Variants in LRP1B observed in about 807,000 individuals in gnomAD.
LRP1B encodes low-density lipoprotein receptor-related protein 1B.
LRP1B carries 217 observed loss-of-function variants against 556.6 expected under a neutral mutation model. The ratio of observed to expected loss-of-function variants is 0.39; its 90% CI spans 0.35 to 0.44. The LOEUF is 0.44. Among genes scored for constraint, LRP1B ranks in the 20% least tolerant of loss-of-function variants. LRP1B has a pLI of 1.00. For synonymous variants in LRP1B, 2,047 were observed against 1,865.8 expected, an observed-to-expected ratio of 1.10 and a Z score of -2.50; for missense variants, 5,053 against 5,620.8, an observed-to-expected ratio of 0.90 and a Z score of 3.23.
chr2:141,213,605 C>G (rs192599395), intron 6 of LRP1B, among the ~76,000 whole-genome samples: 15 of 152,272 alleles, frequency 9.9e-5, no homozygotes, highest in Non-Finnish European at 1.6e-4. Context: ...GTGGCCCCAG[C>G]CTGGATTCAA....
intron 32 of LRP1B, among the ~76,000 whole-genome samples, chr2:140,810,227 T>C (rs1017395685): frequency 1.3e-5 from 2 of 152,154 alleles, no homozygotes; most frequent in Admixed American, 6.6e-5. Context: ...AGCTTTAGTA[T>C]AAACTACTCT....
At chr2:142,115,564 A>T (rs1318572048) in intron 1 of LRP1B, among the ~76,000 whole-genome samples, 1,854 of 40,952 alleles carry the variant, frequency 0.045, 414 homozygotes, top group Non-Finnish European at 0.058. Flanking sequence ...TTATATATGT[A>T]ATATATATTA....
chr2:140,451,879 T>C (rs989977838), intron 62 of LRP1B, among the ~76,000 whole-genome samples: 1 of 152,130 alleles, frequency 6.6e-6, no homozygotes, highest in Non-Finnish European at 1.5e-5. Context: ...TATTTATTAA[T>C]ATGTTTTATT....
chr2:141,521,296 T>C lies in LRP1B; in HGVS notation c.206-40763A>G, dbSNP rs200589225. Among the ~76,000 whole-genome samples the C allele has an allele frequency of 4.3e-4, 65 of 152,242 alleles. 1 individual carries two copies. The East Asian group carries it at 0.012, about 27-fold the overall frequency. On this transcript the variant is annotated intron_variant, in intron 2 of 90. Transcript: ENST00000389484. ...AAATTATCAATATCAGCAACAATCATGGAAACTTTTTATCCACATTTTCAA... is the reference window on the plus strand; with the variant it reads ...AAATTATCAATATCAGCAACAATCACGGAAACTTTTTATCCACATTTTCAA...
At chr2:140,533,079 T>C (rs972482678) in intron 47 of LRP1B, among the ~76,000 whole-genome samples, 10 of 151,888 alleles carry the variant, frequency 6.6e-5, no homozygotes, top group African/African-American at 2.2e-4. Flanking sequence ...GTGTGTTCAT[T>C]GAATGGCAAG....
At chr2:141,309,933 C>A (rs1295299518) in intron 3 of LRP1B, among the ~76,000 whole-genome samples, 1 of 152,226 alleles carries the variant, frequency 6.6e-6, no homozygotes, top group African/African-American at 2.4e-5. Flanking sequence ...AATCTGCTGT[C>A]ACTTGAATCT....
chr2:141,390,006 C>T (rs1182934325), intron 3 of LRP1B, among the ~76,000 whole-genome samples: 1 of 152,102 alleles, frequency 6.6e-6, no homozygotes. Flanking sequence ...GGAGTGATGG[C>T]ATGTGCCTGT....
chr2:140,408,038 T>C (rs1573902842), intron 66 of LRP1B, among the ~76,000 whole-genome samples: 1 of 152,028 alleles, frequency 6.6e-6, no homozygotes, highest in African/African-American at 2.4e-5. Context: ...GCAACTTGGA[T>C]GGAGCTGGAG....
intron 3 of LRP1B, among the ~76,000 whole-genome samples, chr2:141,282,095 C>T (rs1685530502): frequency 6.6e-6 from 1 of 151,876 alleles, no homozygotes; most frequent in Non-Finnish European, 1.5e-5. Context: ...TTTTGGATGA[C>T]CTTGAAAAAG....
chr2:140,423,367 C>CT lies in LRP1B; in HGVS notation c.10414+19136dup, dbSNP rs1376957950. Among the ~76,000 whole-genome samples, 8 of 151,956 alleles carry CT rather than the reference C, an allele frequency of 5.3e-5. No individual in the cohort carries two copies. The East Asian group carries it at 7.7e-4, about 15-fold the overall frequency. ...ATAAAATAAGGAAAGAAAAGGAAAG[C>CT]TTTTTTTTAATTAAAAATTTTCAAT... On this transcript the variant is annotated intron_variant, in intron 66 of 90. Transcript: ENST00000389484.
intron 3 of LRP1B, among the ~76,000 whole-genome samples, chr2:141,257,658 T>C (rs1684525837): frequency 6.6e-6 from 1 of 152,180 alleles, no homozygotes; most frequent in African/African-American, 2.4e-5. Flanking sequence ...TAGCTTTTAG[T>C]TTATTAGACT....
chr2:141,924,227 G>C lies in LRP1B; in HGVS notation c.83-113826C>G, dbSNP rs113978221. On this transcript the variant is annotated intron_variant, in intron 1 of 90. Coordinates refer to ENST00000389484, the MANE Select transcript of LRP1B (RefSeq NM_018557.3). The stretch of plus-strand genomic sequence containing the variant: ...ATGGCAGAACGGTGTAGCAGGGAAA[G>C]AGAGAAGAGAAGGTATGTCTGAACA... 8.0e-4 allele frequency among the ~76,000 whole-genome samples: 121 copies of C among 152,100 alleles called. 1 individual carries two copies. Among genetic ancestry groups the C allele is most frequent in the African/African-American group, 2.8e-3 (116 of 41,524 alleles).
Position 141,160,818 on chromosome 2 carries a change from T to A in LRP1B, c.1013+27603A>T, listed in dbSNP as rs537868972. 2.0e-5 allele frequency among the ~76,000 whole-genome samples: 3 copies of A among 149,212 alleles called. No individual in the cohort carries two copies. The South Asian group carries it at 6.4e-4, about 32-fold the overall frequency. On this transcript the variant is annotated intron_variant, in intron 7 of 90. Coordinates refer to ENST00000389484, the MANE Select transcript of LRP1B (RefSeq NM_018557.3). ...TTTGTGGTAATGGACATGTTCAATA[T>A]CTTTATTTTGGTGATGGCAAAATTA... is the stretch of plus-strand genomic sequence containing the variant.
At chr2:140,901,494 G>A (rs894636282) in intron 23 of LRP1B, among the ~76,000 whole-genome samples, 2 of 152,090 alleles carry the variant, frequency 1.3e-5, no homozygotes, top group African/African-American at 4.8e-5. Context: ...TTTGATACAG[G>A]CATGTGATGC....
At chr2:141,526,187 T>G (rs1684688512) in intron 2 of LRP1B, among the ~76,000 whole-genome samples, 2 of 152,064 alleles carry the variant, frequency 1.3e-5, no homozygotes, top group Admixed American at 1.3e-4. Context: ...TAGTTAGACA[T>G]TTTCACAAGT....
intron 6 of LRP1B, among the ~76,000 whole-genome samples, chr2:141,190,161 T>C (rs1370082155): frequency 1.3e-5 from 2 of 151,894 alleles, no homozygotes; most frequent in Non-Finnish European, 2.9e-5. Flanking sequence ...TGTCACCACC[T>C]GAAACCCACA....
chr2:140,517,927 T>A (rs2104942852), intron 49 of LRP1B, among the ~76,000 whole-genome samples: 1 of 152,092 alleles, frequency 6.6e-6, no homozygotes, highest in Non-Finnish European at 1.5e-5. Flanking sequence ...GTCAGGCTGG[T>A]CTTGAACTTC....
chr2:140,734,162 C>T (rs1157836037), intron 35 of LRP1B, among the ~76,000 whole-genome samples: 4 of 152,112 alleles, frequency 2.6e-5, no homozygotes, highest in African/African-American at 7.2e-5. Context: ...AGTGAACACA[C>T]AAATATAAAT....
chr2:141,781,086 T>C (rs150197230), intron 2 of LRP1B, among the ~76,000 whole-genome samples: 69 of 152,186 alleles, frequency 4.5e-4, no homozygotes, highest in African/African-American at 1.6e-3. Context: ...GGAAAGCAGA[T>C]AGTATTAAAA....
Sources: gnomAD v4.1 joint callset for allele counts (sites outside exome capture counted in the v4.1 genomes callset) on GRCh38, gnomAD v4.1.1 for gene constraint, MANE v1.5 for transcripts, NCBI Gene and HGNC (gene_info 2026-07-23, HGNC 2026-07-21) for gene names.